Variants in TGFB2 observed in about 807,000 individuals in gnomAD.
TGFB2 encodes transforming growth factor beta 2.
In TGFB2, 13 loss-of-function variants were observed where a neutral mutation model predicts 42.7. That is an observed-to-expected ratio of 0.30 (90% confidence interval 0.20 to 0.48). The LOEUF is 0.48. Ranked by LOEUF, TGFB2 falls within the 20% of genes least tolerant of loss-of-function variation. TGFB2 has a pLI of 0.99. For synonymous variants in TGFB2, 193 were observed against 193.6 expected, an observed-to-expected ratio of 1.00 and a Z score of 0.03; for missense variants, 390 against 517.5, an observed-to-expected ratio of 0.75 and a Z score of 2.39.
At chr1:218,371,605 C>T (rs759315033) in intron 1 of TGFB2, among the ~76,000 whole-genome samples, 7 of 152,098 alleles carry the variant, frequency 4.6e-5, no homozygotes, top group Non-Finnish European at 1.0e-4. Flanking sequence ...TATGTATGTC[C>T]GGCAGACTCT....
At chr1:218,385,690 G>A (rs10863396) in intron 1 of TGFB2, among the ~76,000 whole-genome samples, 82,972 of 151,996 alleles carry the variant, frequency 0.55, 26,159 homozygotes, top group Non-Finnish European at 0.7. Flanking sequence ...CTCCTAGTGT[G>A]TCCTTCAAAA....
intron 2 of TGFB2, among the ~76,000 whole-genome samples, chr1:218,430,210 T>C (rs558128961): frequency 6.6e-6 from 1 of 152,076 alleles, no homozygotes; most frequent in African/African-American, 2.4e-5. Context: ...CTGGGCAACA[T>C]GGCAAAACCC....
In TGFB2 at chr1:218,346,853, C is replaced by A. The variant is rs1656699420; in HGVS notation, c.152C>A (p.Thr51Asn). The change falls in exon 1 of 7, where the codon ACC becomes AAC. Residue 51 changes from threonine (T) to asparagine (N), a missense_variant. Thr to Asn is a moderately conservative substitution (Grantham distance 65). Coordinates refer to ENST00000366930, the MANE Select transcript of TGFB2 (RefSeq NM_003238.6). The surrounding 1 kb of genome is among the most constrained non-coding windows in gnomAD (Gnocchi z 4.9). ...CAGATCCTGAGCAAGCTGAAGCTCA[C>A]CAGTCCCCCAGAAGACTATCCTGAG... is the stretch of plus-strand genomic sequence containing the variant. ...RGQILSKLKL[T>N]SPPEDYPEPE... is the part of the protein sequence containing the mutation. 6.2e-7 allele frequency: 1 copy of A among 1,614,134 alleles called. No homozygotes were observed. The highest frequency in any genetic ancestry group is 8.5e-7 in the Non-Finnish European group (1 of 1,180,044).
chr1:218,423,894 G>A (rs529785252), intron 2 of TGFB2, among the ~76,000 whole-genome samples: 1 of 152,296 alleles, frequency 6.6e-6, no homozygotes, highest in Non-Finnish European at 1.5e-5. Context: ...CCTTTTCATT[G>A]ATGAGAGAAT....
At chr1:218,408,067 T>C (rs1658971963) in intron 2 of TGFB2, among the ~76,000 whole-genome samples, 1 of 152,230 alleles carries the variant, frequency 6.6e-6, no homozygotes, top group Non-Finnish European at 1.5e-5. Context: ...GATAGCATCA[T>C]AGGTTGCTCT....
At chr1:218,404,139 A>C (rs147105194) in intron 1 of TGFB2, among the ~76,000 whole-genome samples, 1 of 151,554 alleles carries the variant, frequency 6.6e-6, no homozygotes, top group East Asian at 1.9e-4. Flanking sequence ...TTGAGATGGA[A>C]CCTCACCCTA....
At chr1:218,385,601 C>A (rs1658108635) in intron 1 of TGFB2, among the ~76,000 whole-genome samples, 2 of 152,230 alleles carry the variant, frequency 1.3e-5, no homozygotes, top group Admixed American at 1.3e-4. Context: ...CCAAGATCTT[C>A]TCACATAGCT....
intron 1 of TGFB2, among the ~76,000 whole-genome samples, chr1:218,371,282 T>C (rs1334690120): frequency 6.6e-6 from 1 of 152,124 alleles, no homozygotes; most frequent in Non-Finnish European, 1.5e-5. Flanking sequence ...GCCTGGGCGA[T>C]AGAGGGGAGA....
chr1:218,441,472 A>C lies in TGFB2; in HGVS notation c.*110A>C. ...AAACATAAGAGAGCCTTGGTTCATC[A>C]GTGTTAAAAAATTTTTGAAAAGGCG... On this transcript the variant is annotated 3_prime_UTR_variant, in exon 7 of 7. Coordinates refer to ENST00000366930, the MANE Select transcript of TGFB2 (RefSeq NM_003238.6). The C allele has an allele frequency of 7.9e-7, 1 of 1,272,062 alleles. No homozygotes were observed. The highest frequency in any genetic ancestry group is 1.0e-6 in the Non-Finnish European group (1 of 956,084). 78.8% of individuals were successfully genotyped at this position (1,272,062 alleles called of 1,614,324 possible).
chr1:218,396,275 A>C (rs1658508799), intron 1 of TGFB2, among the ~76,000 whole-genome samples: 1 of 152,232 alleles, frequency 6.6e-6, no homozygotes, highest in Non-Finnish European at 1.5e-5. Context: ...ATTTTGATGC[A>C]GGGGGTGAGT....
At chr1:218,403,484 T>G (rs1658801204) in intron 1 of TGFB2, among the ~76,000 whole-genome samples, 3 of 152,190 alleles carry the variant, frequency 2.0e-5, no homozygotes, top group South Asian at 2.1e-4. Context: ...GGCATGGATT[T>G]CCCAATAAAT....
intron 1 of TGFB2, among the ~76,000 whole-genome samples, chr1:218,388,639 G>A (rs550527104): frequency 8.4e-4 from 128 of 152,262 alleles, no homozygotes; most frequent in African/African-American, 3.0e-3. Flanking sequence ...CCGTATGTCG[G>A]GAGCCGCTGA....
rs1048194881 is a variant in TGFB2 at position 218,346,599 on chromosome 1, C to G, written c.-103C>G. 5 of 1,112,060 alleles carry G rather than the reference C, an allele frequency of 4.5e-6. No individual in the cohort carries two copies. In the Admixed American group the frequency reaches 1.2e-4, roughly 27 times the overall value. The allele number at this position is 1,112,060 out of a possible 1,614,324, so 68.9% of individuals were successfully genotyped here. On this transcript the variant is annotated 5_prime_UTR_variant, in exon 1 of 7. Coordinates refer to ENST00000366930, the MANE Select transcript of TGFB2 (RefSeq NM_003238.6). The surrounding 1 kb of genome is among the most constrained non-coding windows in gnomAD (Gnocchi z 4.9). ...AGTTTCGCATCAAAAACAACAACAA[C>G]AAAAAACCAAACAACTCTCCTTGAT...
At chr1:218,392,808 T>G (rs1465432785) in intron 1 of TGFB2, among the ~76,000 whole-genome samples, 1 of 152,228 alleles carries the variant, frequency 6.6e-6, no homozygotes, top group African/African-American at 2.4e-5. Flanking sequence ...ATTTATTCAC[T>G]CTCAAGCCAT....
intron 1 of TGFB2, among the ~76,000 whole-genome samples, chr1:218,391,260 C>G (rs1658308549): frequency 6.6e-6 from 1 of 152,100 alleles, no homozygotes; most frequent in African/African-American, 2.4e-5. Context: ...CCTACTGGTC[C>G]CCCTTGAAGA....
rs967182483 is a variant in TGFB2, at chr1:218,363,264, C to G, written c.346+16217C>G. 11 of 1,307,386 alleles carry G rather than the reference C, an allele frequency of 8.4e-6. No homozygotes were observed. In the East Asian group the frequency reaches 2.6e-4, roughly 30 times the overall value. 81.0% of individuals were successfully genotyped at this position (1,307,386 alleles called of 1,614,324 possible). On this transcript the variant is annotated intron_variant, in intron 1 of 6. Coordinates refer to ENST00000366930, the MANE Select transcript of TGFB2 (RefSeq NM_003238.6). ...AATGAGTCCCTCTTCTACTTTGAATCTTTGTATAGTTCTGTGCCAGGCATC... is the reference window on the plus strand; with the variant it reads ...AATGAGTCCCTCTTCTACTTTGAATGTTTGTATAGTTCTGTGCCAGGCATC...
chr1:218,378,337 C>T (rs970899454), intron 1 of TGFB2, among the ~76,000 whole-genome samples: 4 of 152,168 alleles, frequency 2.6e-5, no homozygotes, highest in Non-Finnish European at 5.9e-5. Context: ...CCACTGCGCC[C>T]AGGTAATTTT....
chr1:218,378,297 C>T lies in TGFB2; in HGVS notation c.347-26872C>T, dbSNP rs376052422. Among the ~76,000 whole-genome samples, 47 of 152,328 alleles carry T rather than the reference C, an allele frequency of 3.1e-4. 2 individuals are homozygous for T. In the South Asian group the frequency reaches 4.4e-3, roughly 14 times the overall value. On this transcript the variant is annotated intron_variant, in intron 1 of 6. Transcript: ENST00000366930. Reference sequence around the variant, plus strand: ...GTTCATGTGATTCTCCTGCCTCAGCCTCTCGAGTAGTTGGGATTACAGGCG... The same window carrying T: ...GTTCATGTGATTCTCCTGCCTCAGCTTCTCGAGTAGTTGGGATTACAGGCG...
chr1:218,389,498 ACAGTCAGACAG>A (rs1658253163), intron 1 of TGFB2, among the ~76,000 whole-genome samples: 1 of 152,184 alleles, frequency 6.6e-6, no homozygotes, highest in East Asian at 1.9e-4. Context: ...ATCCAGTGCT[ACAGTCAGACAG>A]CAGCACAGCT....
Sources: gnomAD v4.1 joint callset for allele counts (sites outside exome capture counted in the v4.1 genomes callset) on GRCh38, gnomAD v4.1.1 for gene constraint, Gnocchi (gnomAD v3.1) non-coding constraint, MANE v1.5 for transcripts, NCBI Gene and HGNC (gene_info 2026-07-23, HGNC 2026-07-21) for gene names.